Variants in PCGF5 observed in about 807,000 individuals in gnomAD.
PCGF5 encodes polycomb group RING finger protein 5.
Under a neutral mutation model 44.3 loss-of-function variants are expected in PCGF5, and 9 were observed. That is an observed-to-expected ratio of 0.20 (90% CI 0.12 to 0.35). PCGF5 has a LOEUF of 0.35. PCGF5 is among the 10% of genes least tolerant of loss of function. The pLI is 1.00. For synonymous variants in PCGF5, 95 were observed against 102.5 expected (o/e 0.93, Z 0.44); for missense variants, 146 against 305.3 (o/e 0.48, Z 3.89).
chr10:91,160,039 A>G (rs139406042), upstream of PCGF5, among the ~76,000 whole-genome samples: 2 of 152,336 alleles, frequency 1.3e-5, no homozygotes, highest in African/African-American at 4.8e-5. Flanking sequence ...GTCTCAGAGA[A>G]CTGAGAGCTG....
intron 2 of PCGF5, among the ~76,000 whole-genome samples, chr10:91,230,784 T>C (rs1452309947): frequency 2.6e-5 from 4 of 152,134 alleles, no homozygotes; most frequent in Non-Finnish European, 5.9e-5. Context: ...CATGCCCAGC[T>C]AGTTTTTTTT....
intron 9 of PCGF5, among the ~76,000 whole-genome samples, 165 bp downstream of exon 9, chr10:91,271,862 T>C (rs1846189701): frequency 6.6e-6 from 1 of 152,232 alleles, no homozygotes; most frequent in South Asian, 2.1e-4. Context: ...ATTATTTTAG[T>C]TCTCCTGAAT....
At chr10:91,213,819 T>G (rs1844496403) in intron 1 of PCGF5, among the ~76,000 whole-genome samples, 1 of 152,160 alleles carries the variant, frequency 6.6e-6, no homozygotes, top group Non-Finnish European at 1.5e-5. Context: ...TTAAGTGTTA[T>G]GTACTACATG....
intron 8 of PCGF5, among the ~76,000 whole-genome samples, chr10:91,267,620 AT>A (rs1393941434): frequency 6.6e-6 from 1 of 152,094 alleles, no homozygotes; most frequent in Non-Finnish European, 1.5e-5. Flanking sequence ...TAAATTTTCA[AT>A]TTTTGTTCAA....
chr10:91,204,867 A>C (rs910019156), intron 1 of PCGF5, among the ~76,000 whole-genome samples: 1 of 152,226 alleles, frequency 6.6e-6, no homozygotes, highest in African/African-American at 2.4e-5. Context: ...TTATCTGGGC[A>C]CAATGGTGAA....
intron 3 of PCGF5, 42 bp from the exon 4 acceptor site, chr10:91,248,463 G>T: frequency 6.6e-7 from 1 of 1,506,424 alleles, no homozygotes; most frequent in Non-Finnish European, 9.2e-7. Context: ...TCAGATCTTG[G>T]TGTCTTCATT....
At position 91,281,792 on chromosome 10, in the gene PCGF5, A is replaced by G. The variant is rs1461811982; in HGVS notation, c.*3476A>G. The G allele has an allele frequency of 2.0e-5, 3 of 152,294 alleles. No individual in the cohort carries two copies. Among genetic ancestry groups the G allele is most frequent in the Admixed American group, 6.5e-5 (1 of 15,278 alleles). The allele number at this position is 152,294 out of a possible 1,614,324, so 9.4% of individuals were successfully genotyped here. A position where few individuals can be genotyped will look rare whatever the true frequency, so the allele number is the denominator to read the frequency against. On this transcript the variant is annotated 3_prime_UTR_variant, in exon 10 of 10. Coordinates refer to ENST00000336126, the MANE Select transcript of PCGF5 (RefSeq NM_032373.5). ...CAGTCAAATGCAGGCTTTTCTTGCA[A>G]TAATCAGAACACACTTCCTTTCAAA...
At position 91,248,560 on chromosome 10, in the gene PCGF5, C is replaced by T. The variant is rs1454529389; in HGVS notation, c.265C>T (p.Gln89Ter). 1.2e-6 allele frequency: 2 copies of T among 1,612,680 alleles called. No individual in the cohort carries two copies. Among genetic ancestry groups the T allele is most frequent in the Non-Finnish European group, 8.5e-7 (1 of 1,179,016 alleles). ...TAAGCTGGTCCCTGGACTACGAGAA[C>T]GTAAGTGGCTCTTTAGGTTCTTGCA... ...IFKLVPGLRE[Q>*]ELERESEFWK... is the part of the protein sequence containing the mutation. The change falls in exon 4 of 10, where the codon CAA becomes TAA. Residue 89 changes from glutamine to a stop codon, truncating the protein, a stop_gained and splice_region_variant. Coordinates refer to ENST00000336126, the MANE Select transcript of PCGF5 (RefSeq NM_032373.5). LOFTEE classifies it high-confidence loss of function.
At chr10:91,265,809 G>T (rs1012349697) in intron 8 of PCGF5, among the ~76,000 whole-genome samples, 12 of 152,078 alleles carry the variant, frequency 7.9e-5, no homozygotes, top group African/African-American at 2.9e-4. Context: ...TGTAGTAAAA[G>T]CCCTGCTTAA....
upstream of PCGF5, among the ~76,000 whole-genome samples, chr10:91,218,598 A>G (rs889459498): frequency 6.6e-6 from 1 of 152,042 alleles, no homozygotes; most frequent in Non-Finnish European, 1.5e-5. Context: ...CCATTTCACA[A>G]CACTCCCTCT....
Position 91,280,421 on chromosome 10 carries a change from T to C in PCGF5, c.*2105T>C, listed in dbSNP as rs902882129. 2 of 152,442 alleles carry C rather than the reference T, an allele frequency of 1.3e-5. No individual in the cohort carries two copies. The highest frequency in any genetic ancestry group is 4.8e-5 in the African/African-American group (2 of 41,468). 9.4% of individuals were successfully genotyped at this position (152,442 alleles called of 1,614,324 possible). A position where few individuals can be genotyped will look rare whatever the true frequency, so the allele number is the denominator to read the frequency against. ...AAATTTGGCTGGTTGCCTTGTCATA[T>C]GTAATTTCACTATTTTCCAAGGAAA... On this transcript the variant is annotated 3_prime_UTR_variant, in exon 10 of 10. Coordinates refer to ENST00000336126, the MANE Select transcript of PCGF5 (RefSeq NM_032373.5).
chr10:91,246,127 T>A (rs12241146), intron 3 of PCGF5, among the ~76,000 whole-genome samples: 19,877 of 152,084 alleles, frequency 0.13, 2,437 homozygotes, highest in African/African-American at 0.32. Context: ...AGTCCTAAAT[T>A]GGGCTGGAAG....
In PCGF5 at chr10:91,283,032, G is replaced by A. The variant is rs1206876784; in HGVS notation, c.*4716G>A. The A allele has an allele frequency of 6.6e-6, 1 of 152,098 alleles. No individual in the cohort carries two copies. Among genetic ancestry groups the A allele is most frequent in the Non-Finnish European group, 1.5e-5 (1 of 68,012 alleles). The allele number at this position is 152,098 out of a possible 1,614,324, so 9.4% of individuals were successfully genotyped here. ...TTCAAGGCACACAATAACTGTTCTG[G>A]ATTTACCTGACAAACCTAGTTGAGT... is the stretch of plus-strand genomic sequence containing the variant. On this transcript the variant is annotated 3_prime_UTR_variant, in exon 10 of 10. Coordinates refer to ENST00000336126, the MANE Select transcript of PCGF5 (RefSeq NM_032373.5).
intron 1 of PCGF5, among the ~76,000 whole-genome samples, chr10:91,168,538 A>G (rs1843541730): frequency 6.6e-6 from 1 of 152,116 alleles, no homozygotes; most frequent in African/African-American, 2.4e-5. Context: ...AAATGGAGAA[A>G]GCAAATGTAA....
intron 1 of PCGF5, among the ~76,000 whole-genome samples, chr10:91,213,179 A>G (rs1209520939): frequency 6.6e-6 from 1 of 152,214 alleles, no homozygotes; most frequent in African/African-American, 2.4e-5. Context: ...CCATGCATTT[A>G]CTGGCATGAA....
At chr10:91,266,204 A>G (rs575579894) in intron 8 of PCGF5, among the ~76,000 whole-genome samples, 3 of 152,240 alleles carry the variant, frequency 2.0e-5, no homozygotes, top group South Asian at 2.1e-4. Flanking sequence ...CGGGCATTGC[A>G]GTGTGTTTTA....
chr10:91,260,510 C>T (rs1279985718), intron 6 of PCGF5, among the ~76,000 whole-genome samples: 1 of 152,092 alleles, frequency 6.6e-6, no homozygotes, highest in Non-Finnish European at 1.5e-5. Context: ...CACATGCACA[C>T]ATATGTTTAT....
chr10:91,253,408 C>T (rs886520123), intron 6 of PCGF5, among the ~76,000 whole-genome samples: 4 of 151,900 alleles, frequency 2.6e-5, no homozygotes, highest in African/African-American at 9.7e-5. Flanking sequence ...TCCTCATTTC[C>T]AGCCCTGCTT....
chr10:91,163,931 G>A (rs1397487824), intron 1 of PCGF5, among the ~76,000 whole-genome samples: 1 of 152,190 alleles, frequency 6.6e-6, no homozygotes, highest in African/African-American at 2.4e-5. Flanking sequence ...TTTTTTCGCT[G>A]CCACCTCTCC....
Sources: allele counts gnomAD v4.1 joint callset (sites outside exome capture counted in the v4.1 genomes callset), GRCh38; gene constraint gnomAD v4.1.1; transcripts MANE v1.5; gene names NCBI Gene and HGNC (gene_info 2026-07-23, HGNC 2026-07-21).